The following RBKS variants were observed in gnomAD, a reference collection of about 807,000 sequenced individuals.
The protein encoded by RBKS is ribokinase.
RBKS carries 33 observed loss-of-function variants against 33.9 expected under a neutral mutation model. That is an observed-to-expected ratio of 0.97 (90% confidence interval 0.74 to 1.30). The LOEUF is 1.30. Among genes scored for constraint, RBKS ranks in the 50% most tolerant of loss-of-function variants. RBKS has a pLI of 0.00. For missense variants in RBKS, 361 were observed against 392.6 expected, an observed-to-expected ratio of 0.92 and a Z score of 0.68; for synonymous variants, 125 against 143.0, an observed-to-expected ratio of 0.87 and a Z score of 0.90.
chr2:27,827,443 C>T (rs72810520), intron 7 of RBKS, 124 bp downstream of exon 7: 18,718 of 795,532 alleles, frequency 0.024, 344 homozygotes, highest in Middle Eastern at 0.059. Context: ...GGTTGTTCTT[C>T]TCTTTTACCA....
chr2:27,829,034 G>C (rs926017604), intron 6 of RBKS, among the ~76,000 whole-genome samples: 11 of 152,028 alleles, frequency 7.2e-5, no homozygotes, highest in Admixed American at 6.6e-4. Context: ...TGGGACTCCA[G>C]GCATGCACCA....
intron 5 of RBKS, among the ~76,000 whole-genome samples, chr2:27,840,361 C>CAT (rs2148209622): frequency 7.3e-6 from 1 of 136,236 alleles, no homozygotes; most frequent in African/African-American, 3.1e-5. Flanking sequence ...CACACGCGCG[C>CAT]GCGCACACAC....
chr2:27,797,051 T>C (rs1234138351), intron 7 of RBKS, among the ~76,000 whole-genome samples: 1 of 152,206 alleles, frequency 6.6e-6, no homozygotes, highest in East Asian at 1.9e-4. Context: ...CTGGCATAAA[T>C]GTGTGACATC....
chr2:27,812,080 T>C (rs1677996212), intron 7 of RBKS, among the ~76,000 whole-genome samples: 1 of 152,190 alleles, frequency 6.6e-6, no homozygotes, highest in Admixed American at 6.5e-5. Context: ...TTTTTTCTTG[T>C]AAATTTGTAA....
chr2:27,865,367 A>G (rs1664077981), intron 1 of RBKS, among the ~76,000 whole-genome samples: 1 of 152,162 alleles, frequency 6.6e-6, no homozygotes, highest in Non-Finnish European at 1.5e-5. Flanking sequence ...CCGGTGCCAG[A>G]AATCTTTGCT....
intron 7 of RBKS, among the ~76,000 whole-genome samples, chr2:27,794,790 A>C (rs1452628383): frequency 6.6e-6 from 1 of 151,850 alleles, no homozygotes; most frequent in Non-Finnish European, 1.5e-5. Flanking sequence ...CGCCCGGCTA[A>C]TTTTTGTATT....
rs539107470 is a variant in RBKS, at chr2:27,866,920, A to G, written c.90-8349T>C. On this transcript the variant is annotated intron_variant, in intron 1 of 7. Coordinates refer to ENST00000302188, the MANE Select transcript of RBKS (RefSeq NM_022128.3). ...AGAGTTTGAGACCAGCCTGGGCAAC[A>G]TAGTGAGACCTTGTCTCTACAAATA... Among the ~76,000 whole-genome samples, 383 of 152,236 alleles carry G rather than the reference A, an allele frequency of 2.5e-3. 1 individual carries two copies. Among genetic ancestry groups the G allele is most frequent in the African/African-American group, 8.7e-3 (362 of 41,538 alleles).
intron 1 of RBKS, chr2:27,870,937 C>T (rs971780250): frequency 3.9e-5 from 18 of 456,150 alleles, no homozygotes; most frequent in Non-Finnish European, 7.1e-5. Flanking sequence ...TTGTCAACAT[C>T]GGTAGACTCA....
At chr2:27,824,831 T>C (rs1349279641) in intron 7 of RBKS, among the ~76,000 whole-genome samples, 1 of 152,208 alleles carries the variant, frequency 6.6e-6, no homozygotes, top group East Asian at 1.9e-4. Flanking sequence ...ACACTTATAC[T>C]GCTTTTAGAA....
chr2:27,814,932 C>T (rs1678057919), intron 7 of RBKS, among the ~76,000 whole-genome samples: 1 of 152,078 alleles, frequency 6.6e-6, no homozygotes, highest in African/African-American at 2.4e-5. Context: ...ATTCTGTTCA[C>T]ACACACACGT....
intron 1 of RBKS, among the ~76,000 whole-genome samples, chr2:27,883,222 C>T (rs374712899): frequency 2.7e-4 from 38 of 142,050 alleles, no homozygotes; most frequent in East Asian, 1.9e-3. Context: ...TTTTTTGAGA[C>T]GGAGTCTCGC....
chr2:27,783,876 C>T (rs1677336048), intron 7 of RBKS, among the ~76,000 whole-genome samples: 1 of 134,584 alleles, frequency 7.4e-6, no homozygotes, highest in Non-Finnish European at 1.6e-5. Context: ...CACTGCACTC[C>T]AGCCTGGGCG....
At chr2:27,885,498 T>C (rs1370911974) in intron 1 of RBKS, among the ~76,000 whole-genome samples, 1 of 152,204 alleles carries the variant, frequency 6.6e-6, no homozygotes, top group Non-Finnish European at 1.5e-5. Flanking sequence ...TCTTCATCCA[T>C]ACTGGACTCC....
intron 2 of RBKS, among the ~76,000 whole-genome samples, chr2:27,849,195 A>G (rs1253592464): frequency 6.6e-6 from 1 of 152,204 alleles, no homozygotes; most frequent in Non-Finnish European, 1.5e-5. Context: ...CATTCTTTTT[A>G]AAAATTTTAT....
At chr2:27,841,516 GT>G (rs562512010) in intron 5 of RBKS, among the ~76,000 whole-genome samples, 1 of 152,202 alleles carries the variant, frequency 6.6e-6, no homozygotes, top group South Asian at 2.1e-4. Context: ...AACCAAATGG[GT>G]TTTGGCTTAG....
intron 7 of RBKS, among the ~76,000 whole-genome samples, chr2:27,819,659 T>C (rs1031957699): frequency 6.6e-6 from 1 of 152,192 alleles, no homozygotes; most frequent in African/African-American, 2.4e-5. Flanking sequence ...ACTCAAGCTA[T>C]GATTAATTGT....
intron 5 of RBKS, among the ~76,000 whole-genome samples, chr2:27,836,675 C>CA (rs1295213079): frequency 2.1e-4 from 32 of 152,220 alleles, no homozygotes; most frequent in African/African-American, 7.2e-4. Context: ...ATAGCTTCTG[C>CA]ATAGCAAAAG....
chr2:27,878,569 T>C (rs1664362202), intron 1 of RBKS, among the ~76,000 whole-genome samples: 1 of 152,120 alleles, frequency 6.6e-6, no homozygotes, highest in Admixed American at 6.5e-5. Context: ...CTGGGTCAAA[T>C]GGTATTTCTA....
At chr2:27,853,717 T>G (rs1321503568) in intron 2 of RBKS, among the ~76,000 whole-genome samples, 4 of 152,228 alleles carry the variant, frequency 2.6e-5, no homozygotes, top group African/African-American at 9.6e-5. Flanking sequence ...TTATTAGGCC[T>G]GATTATCTGA....
Sources: gnomAD v4.1 joint callset for allele counts (sites outside exome capture counted in the v4.1 genomes callset) on GRCh38, gnomAD v4.1.1 for gene constraint, MANE v1.5 for transcripts, NCBI Gene and HGNC (gene_info 2026-07-23, HGNC 2026-07-21) for gene names.